ESRRG: variants seen among roughly 807,000 people sequenced by gnomAD.
ESRRG encodes the protein estrogen related receptor gamma.
Under a neutral mutation model 44.0 loss-of-function variants are expected in ESRRG, and 13 were observed. The ratio of observed to expected loss-of-function variants is 0.30; its 90% confidence interval spans 0.19 to 0.47. The LOEUF is 0.47. Ranked by LOEUF, ESRRG falls within the 20% of genes least tolerant of loss-of-function variation. ESRRG has a pLI of 1.00. For synonymous variants in ESRRG, 215 were observed against 214.6 expected (o/e 1.00, Z -0.02); for missense variants, 395 against 580.6 (o/e 0.68, Z 3.29).
At chr1:216,642,655 T>A (rs2066686087) in intron 3 of ESRRG, among the ~76,000 whole-genome samples, 1 of 152,182 alleles carries the variant, frequency 6.6e-6, no homozygotes, top group African/African-American at 2.4e-5. Flanking sequence ...TTAACTGTCA[T>A]CTAACACAGA....
In ESRRG at chr1:216,552,992, G is replaced by A. The variant is rs183678305; in HGVS notation, c.862+11227C>T. Among the ~76,000 whole-genome samples, 181 of 152,274 alleles carry A rather than the reference G, an allele frequency of 1.2e-3. 5 individuals carry two copies. In the East Asian group the frequency reaches 0.015, roughly 13 times the overall value. On this transcript the variant is annotated intron_variant, in intron 5 of 6. Transcript: ENST00000408911. ...AAAAGATGAATTTAAGAAACATTGT[G>A]TTGAACCTCTGAGAGTGCATTCCTC... is the stretch of plus-strand genomic sequence containing the variant.
intron 2 of ESRRG, among the ~76,000 whole-genome samples, chr1:216,937,588 TG>T (rs1478734564): frequency 6.6e-6 from 1 of 152,176 alleles, no homozygotes; most frequent in Non-Finnish European, 1.5e-5. Flanking sequence ...CAGTATATTC[TG>T]GCTCAAATGA....
rs950072712 is a variant in ESRRG at position 216,895,192 on chromosome 1, T to C, written c.-14+44390A>G. The stretch of plus-strand genomic sequence containing the variant: ...AGAGCTAATTTTTTAATAAGTGCAC[T>C]GTGAATGAAATACTGTTGACAGCAA... On this transcript the variant is annotated intron_variant, in intron 2 of 7. Transcript: ENST00000359162. 1.1e-4 allele frequency among the ~76,000 whole-genome samples: 16 copies of C among 152,222 alleles called. No individual in the cohort carries two copies. In the South Asian group the frequency reaches 2.3e-3, roughly 22 times the overall value.
chr1:216,542,096 G>GAT (rs963219569), intron 5 of ESRRG, among the ~76,000 whole-genome samples: 11 of 151,938 alleles, frequency 7.2e-5, no homozygotes, highest in African/African-American at 2.7e-4. Flanking sequence ...GAGAGAGAGA[G>GAT]AGAGAGAGAG....
intron 3 of ESRRG, among the ~76,000 whole-genome samples, chr1:216,620,258 T>C (rs539593544): frequency 4.6e-5 from 7 of 152,172 alleles, no homozygotes; most frequent in African/African-American, 1.7e-4. Flanking sequence ...TCGTATCTAA[T>C]TCATAGCATT....
chr1:217,097,113 G>A (rs1226272812), intron 1 of ESRRG, among the ~76,000 whole-genome samples: 1 of 152,090 alleles, frequency 6.6e-6, no homozygotes, highest in Non-Finnish European at 1.5e-5. Flanking sequence ...TACTCAGGAG[G>A]CTGAGGTGGG....
At chr1:216,618,545 C>A (rs577824145) in intron 3 of ESRRG, among the ~76,000 whole-genome samples, 1 of 152,274 alleles carries the variant, frequency 6.6e-6, no homozygotes, top group South Asian at 2.1e-4. Flanking sequence ...ACGATTCAGA[C>A]ATCCGTATGT....
In ESRRG at chr1:216,767,929, T is replaced by C. The variant is rs72739416; in HGVS notation, c.-13-90438A>G. On this transcript the variant is annotated intron_variant, in intron 2 of 7. Transcript: ENST00000359162. Reference sequence around the variant, plus strand: ...CATTAGGAAGCTATAGCTGAGATTATTAACTAAAATAAAATTTTTAAAGTC... The same window carrying C: ...CATTAGGAAGCTATAGCTGAGATTACTAACTAAAATAAAATTTTTAAAGTC... 4.1e-3 allele frequency among the ~76,000 whole-genome samples: 617 copies of C among 152,280 alleles called. 2 individuals carry two copies. The highest frequency in any genetic ancestry group is 6.3e-3 in the Non-Finnish European group (431 of 68,016).
chr1:216,898,083 C>T (rs2818743), intron 2 of ESRRG, among the ~76,000 whole-genome samples: 114,231 of 151,710 alleles, frequency 0.75, 44,419 homozygotes, highest in African/African-American at 0.94. Context: ...GTCCTTAGCA[C>T]ACAGACCGGA....
intron 1 of ESRRG, among the ~76,000 whole-genome samples, chr1:217,109,591 C>T (rs1282341169): frequency 6.6e-6 from 1 of 152,120 alleles, no homozygotes; most frequent in Non-Finnish European, 1.5e-5. Flanking sequence ...CTATTCTCAC[C>T]TAAGTACTTT....
At chr1:216,980,725 A>T (rs1332823174) in intron 1 of ESRRG, among the ~76,000 whole-genome samples, 2 of 152,074 alleles carry the variant, frequency 1.3e-5, no homozygotes, top group Non-Finnish European at 2.9e-5. Context: ...TGGCATCCCC[A>T]TTGCTCCAGA....
At chr1:216,786,782 C>T (rs1449479624) in intron 2 of ESRRG, among the ~76,000 whole-genome samples, 1 of 152,102 alleles carries the variant, frequency 6.6e-6, no homozygotes, top group African/African-American at 2.4e-5. Context: ...TTGACACACA[C>T]TATCTAGGCA....
chr1:217,082,529 A>T (rs749412873), intron 1 of ESRRG, among the ~76,000 whole-genome samples: 2 of 152,202 alleles, frequency 1.3e-5, no homozygotes, highest in Non-Finnish European at 2.9e-5. Context: ...GCCTTTTCTC[A>T]TAACACACTG....
intron 3 of ESRRG, among the ~76,000 whole-genome samples, chr1:216,587,313 C>T (rs987889042): frequency 6.6e-6 from 1 of 152,058 alleles, no homozygotes; most frequent in Non-Finnish European, 1.5e-5. Flanking sequence ...CCACTCTGAA[C>T]TTTAAAAAGA....
At chr1:216,845,048 C>A (rs146011459) in intron 2 of ESRRG, among the ~76,000 whole-genome samples, 2,928 of 152,206 alleles carry the variant, frequency 0.019, 109 homozygotes, top group African/African-American at 0.068. Context: ...CTTTCCCTAT[C>A]CTCTCCCTTA....
At chr1:216,635,916 C>A (rs999531021) in intron 3 of ESRRG, among the ~76,000 whole-genome samples, 1 of 152,144 alleles carries the variant, frequency 6.6e-6, no homozygotes, top group African/African-American at 2.4e-5. Context: ...TGTAGCTATG[C>A]AAGGTCCTAA....
At position 216,516,636 on chromosome 1, in the gene ESRRG, T is replaced by TACACACAC. The variant is rs779496209; in HGVS notation, c.1132+2508_1132+2515dup. ...TCTGGAATTCCTAAACACACACACA[T>TACACACAC]ACACACACACACACACACACACACA... is the stretch of plus-strand genomic sequence containing the variant. On this transcript the variant is annotated intron_variant, in intron 6 of 6. Transcript: ENST00000408911. Among the ~76,000 whole-genome samples the TACACACAC allele has an allele frequency of 5.4e-3, 699 of 130,408 alleles. 9 individuals carry two copies. Among genetic ancestry groups the TACACACAC allele is most frequent in the African/African-American group, 0.019 (640 of 33,666 alleles). 85.6% of individuals were successfully genotyped at this position (130,408 alleles called of 152,430 possible).
chr1:216,713,456 T>G (rs1408005101), intron 1 of ESRRG, among the ~76,000 whole-genome samples: 2 of 151,888 alleles, frequency 1.3e-5, no homozygotes, highest in Non-Finnish European at 2.9e-5. Flanking sequence ...CACACTAGCA[T>G]TTTACAAGTC....
chr1:217,100,113 A>G (rs1451625074), intron 1 of ESRRG, among the ~76,000 whole-genome samples: 3 of 152,230 alleles, frequency 2.0e-5, no homozygotes, highest in African/African-American at 7.2e-5. Flanking sequence ...GAAGCTATGT[A>G]ATTACTTTAG....
Sources: gnomAD v4.1 joint callset for allele counts (sites outside exome capture counted in the v4.1 genomes callset) on GRCh38, gnomAD v4.1.1 for gene constraint, MANE v1.5 for transcripts, NCBI Gene and HGNC (gene_info 2026-07-23, HGNC 2026-07-21) for gene names.